The following EYS variants were observed in gnomAD, a reference collection of about 807,000 sequenced individuals.
EYS encodes protein eyes shut homolog.
Under a neutral mutation model 282.1 loss-of-function variants are expected in EYS, and 250 were observed. The observed-to-expected ratio is 0.89, with a 90% confidence interval of 0.80 to 0.98. The LOEUF is 0.98. Ranked by LOEUF, EYS falls within the 50% of genes least tolerant of loss-of-function variation. The pLI, the probability that EYS is intolerant of heterozygous loss-of-function variation, is 0.00. For synonymous variants in EYS, 1,355 were observed against 1,282.9 expected, an observed-to-expected ratio of 1.06 and a Z score of -1.20; for missense variants, 4,016 against 3,709.0, an observed-to-expected ratio of 1.08 and a Z score of -2.15.
At chr6:63,957,257 A>T (rs937781598) in intron 35 of EYS, among the ~76,000 whole-genome samples, 1 of 140,664 alleles carries the variant, frequency 7.1e-6, no homozygotes, top group Non-Finnish European at 1.6e-5. Flanking sequence ...AATGTAAAAA[A>T]ATGTGGCTTC....
chr6:64,079,823 G>T (rs908934341), intron 32 of EYS, among the ~76,000 whole-genome samples: 9 of 152,084 alleles, frequency 5.9e-5, no homozygotes, highest in Non-Finnish European at 1.0e-4. Flanking sequence ...GCGATGTTTG[G>T]TTTTTTGTCC....
At chr6:64,831,168 T>C (rs1034139895) in intron 19 of EYS, among the ~76,000 whole-genome samples, 1 of 152,032 alleles carries the variant, frequency 6.6e-6, no homozygotes, top group African/African-American at 2.4e-5. Flanking sequence ...GTCTCTTTCT[T>C]GGGAAGCCTA....
intron 36 of EYS, among the ~76,000 whole-genome samples, chr6:63,812,254 C>G (rs911480806): frequency 2.6e-4 from 40 of 152,192 alleles, no homozygotes; most frequent in African/African-American, 9.7e-4. Flanking sequence ...CTAACACACT[C>G]CCAGTTCAAG....
chr6:64,206,420 A>G (rs1765608843), intron 31 of EYS, among the ~76,000 whole-genome samples: 1 of 152,174 alleles, frequency 6.6e-6, no homozygotes, highest in South Asian at 2.1e-4. Flanking sequence ...CTGTCATACA[A>G]CTTATTTTTG....
In EYS at chr6:65,371,837, A is replaced by C. The variant is rs1765165026; in HGVS notation, c.1299+12549T>G. 2.6e-5 allele frequency among the ~76,000 whole-genome samples: 4 copies of C among 151,626 alleles called. 1 individual carries two copies. In the South Asian group the frequency reaches 8.3e-4, roughly 32 times the overall value. On this transcript the variant is annotated intron_variant, in intron 8 of 42. Coordinates refer to ENST00000503581, the MANE Select transcript of EYS (RefSeq NM_001142800.2). The stretch of plus-strand genomic sequence containing the variant: ...GACAGAATGAGAGAGAGAGACAGAG[A>C]CAGAGAGAGATTTTCTTTAGATTTT...
Position 65,411,317 on chromosome 6 carries a change from G to T in EYS, c.863-5950C>A, listed in dbSNP as rs1183001893. On this transcript the variant is annotated intron_variant, in intron 5 of 42. Transcript: ENST00000503581. ...ATATCCTGTGTGTATATTTGTCATG[G>T]CAGTTTCCAAAGTAATCCATTGGGT... is the stretch of plus-strand genomic sequence containing the variant. Among the ~76,000 whole-genome samples the T allele has an allele frequency of 3.9e-5, 6 of 151,946 alleles. No individual in the cohort carries two copies. In the East Asian group the frequency reaches 1.2e-3, roughly 29 times the overall value.
chr6:64,675,904 G>A (rs1458736056), intron 22 of EYS, among the ~76,000 whole-genome samples: 1 of 150,600 alleles, frequency 6.6e-6, no homozygotes, highest in African/African-American at 2.4e-5. Flanking sequence ...GACATGTTGA[G>A]AAGATTAAAT....
chr6:64,668,275 G>A (rs1163439888), intron 22 of EYS, among the ~76,000 whole-genome samples: 2 of 152,092 alleles, frequency 1.3e-5, no homozygotes, highest in African/African-American at 2.4e-5. Flanking sequence ...CCTTTTGGAA[G>A]TAATAGATGA....
Position 64,591,677 on chromosome 6 carries a change from G to A in EYS, c.4190C>T (p.Ser1397Phe). Residue 1397 changes from serine to phenylalanine, a missense_variant, in exon 26 of 43, where the codon TCC becomes TTC. Physicochemically the swap from Ser to Phe is radical, Grantham distance 155. Coordinates refer to ENST00000503581, the MANE Select transcript of EYS (RefSeq NM_001142800.2). ...AGGAAAAATAAAATCTGACATTAAG[G>A]AAGACATGATAAATGGGGTCCTTGC... ...RRARTPFIMS[S>F]LMSDFIFPTQ... The A allele has an allele frequency of 2.6e-6, 4 of 1,551,262 alleles. No homozygotes were observed. Among genetic ancestry groups the A allele is most frequent in the Non-Finnish European group, 3.5e-6 (4 of 1,146,724 alleles).
At chr6:64,939,457 A>C (rs1769017112) in intron 15 of EYS, among the ~76,000 whole-genome samples, 1 of 151,956 alleles carries the variant, frequency 6.6e-6, no homozygotes. Flanking sequence ...ATTATGTATC[A>C]TGAATATTAA....
intron 2 of EYS, among the ~76,000 whole-genome samples, chr6:65,597,604 T>C (rs1167007683): frequency 6.6e-6 from 1 of 152,164 alleles, no homozygotes; most frequent in Non-Finnish European, 1.5e-5. Context: ...TTCATCTTTC[T>C]ACCAGCATCT....
At chr6:64,717,643 C>G (rs1771442506) in intron 22 of EYS, among the ~76,000 whole-genome samples, 1 of 152,170 alleles carries the variant, frequency 6.6e-6, no homozygotes, top group African/African-American at 2.4e-5. Flanking sequence ...ACTGGCACCC[C>G]TAGTTTAAGG....
chr6:64,177,975 T>A (rs924954951), intron 31 of EYS, among the ~76,000 whole-genome samples: 7 of 152,158 alleles, frequency 4.6e-5, no homozygotes, highest in Non-Finnish European at 8.8e-5. Context: ...GTTATTTGGC[T>A]GGTTAATTGA....
chr6:63,895,132 A>G (rs1190612059), intron 35 of EYS, among the ~76,000 whole-genome samples: 2 of 121,208 alleles, frequency 1.7e-5, no homozygotes, highest in Non-Finnish European at 3.6e-5. Context: ...TTCATTAAAC[A>G]TGCACTTGTG....
intron 7 of EYS, among the ~76,000 whole-genome samples, chr6:65,388,664 G>A (rs1765889034): frequency 6.6e-6 from 1 of 152,046 alleles, no homozygotes; most frequent in Admixed American, 6.6e-5. Flanking sequence ...GAGATAGGCA[G>A]GAGGAAAATA....
intron 19 of EYS, among the ~76,000 whole-genome samples, chr6:64,875,977 T>C (rs1035108624): frequency 1.3e-5 from 2 of 152,040 alleles, no homozygotes; most frequent in African/African-American, 4.8e-5. Context: ...TTTTATATTA[T>C]ATAAAGAATC....
chr6:64,832,508 G>C (rs1202834354), intron 19 of EYS, among the ~76,000 whole-genome samples: 1 of 151,750 alleles, frequency 6.6e-6, no homozygotes, highest in East Asian at 1.9e-4. Context: ...ATAATTTCTA[G>C]AGATAAGCTA....
intron 22 of EYS, among the ~76,000 whole-genome samples, chr6:64,675,428 C>CTTTTTTTTTTTTTTTTTTTTT (rs56346431): frequency 4.6e-4 from 53 of 114,640 alleles, no homozygotes; most frequent in Non-Finnish European, 6.7e-4. Context: ...CTTTTTTTTT[C>CTTTTTTTTTTTTTTTTTTTTT]TTTTTTTTTT....
chr6:64,434,656 T>A (rs576115644), intron 28 of EYS, among the ~76,000 whole-genome samples: 1 of 151,976 alleles, frequency 6.6e-6, no homozygotes, highest in African/African-American at 2.4e-5. Flanking sequence ...GCCTTGAGAT[T>A]GTGTCATTTT....
Sources: allele counts gnomAD v4.1 joint callset (sites outside exome capture counted in the v4.1 genomes callset), GRCh38; gene constraint gnomAD v4.1.1; transcripts MANE v1.5; gene names NCBI Gene and HGNC (gene_info 2026-07-23, HGNC 2026-07-21).